The following CCDC3 variants were observed in gnomAD, a reference collection of about 807,000 sequenced individuals.
CCDC3 encodes the protein coiled-coil domain containing 3.
CCDC3 carries 24 observed loss-of-function variants against 21.4 expected under a neutral mutation model. That is an observed-to-expected ratio of 1.12 (90% CI 0.81 to 1.58). CCDC3 has a LOEUF of 1.58. CCDC3 is among the 40% of genes most tolerant of loss of function. The pLI is 0.00. For missense variants in CCDC3, 425 were observed against 360.9 expected, an observed-to-expected ratio of 1.18 and a Z score of -1.44; for synonymous variants, 186 against 166.0, an observed-to-expected ratio of 1.12 and a Z score of -0.93.
intron 2 of CCDC3, among the ~76,000 whole-genome samples, chr10:12,904,468 TAAA>T (rs55772750): frequency 3.2e-4 from 13 of 40,916 alleles, no homozygotes; most frequent in Admixed American, 4.7e-4. Context: ...AAGCCAGTCT[TAAA>T]AAAAAAAAAA....
In CCDC3 at chr10:13,068,635, A is replaced by T. The variant is rs549991963; in HGVS notation, c.-270+5233T>A. Among the ~76,000 whole-genome samples, 3 of 152,346 alleles carry T rather than the reference A, an allele frequency of 2.0e-5. No individual in the cohort carries two copies. The South Asian group carries it at 6.2e-4, about 32-fold the overall frequency. ...GAACAGTTTGACTTGCCTGCTTCAC[A>T]ACTGGTGAGGCCTACAGACATATGG... On this transcript the variant is annotated intron_variant, in intron 4 of 6. Transcript: ENST00000378839.
intron 5 of CCDC3, among the ~76,000 whole-genome samples, chr10:13,028,019 C>T (rs1046556109): frequency 6.6e-6 from 1 of 152,172 alleles, no homozygotes; most frequent in Non-Finnish European, 1.5e-5. Context: ...CCAGGACCCT[C>T]TGTTTACAAC....
chr10:12,958,823 A>G (rs1024882158), intron 2 of CCDC3, among the ~76,000 whole-genome samples: 1 of 152,124 alleles, frequency 6.6e-6, no homozygotes, highest in African/African-American at 2.4e-5. Context: ...CCCTGGGAAC[A>G]GCACGCTTCT....
intron 2 of CCDC3, among the ~76,000 whole-genome samples, chr10:12,989,087 A>T (rs935937249): frequency 5.3e-5 from 8 of 152,174 alleles, no homozygotes; most frequent in Admixed American, 3.9e-4. Context: ...TCAGCCCTGG[A>T]ATCTTTACAA....
intron 2 of CCDC3, among the ~76,000 whole-genome samples, chr10:12,996,240 T>A (rs1270343755): frequency 6.6e-6 from 1 of 152,188 alleles, no homozygotes; most frequent in Non-Finnish European, 1.5e-5. Context: ...GGGAGCAAAC[T>A]ACATGAGAAG....
chr10:13,071,497 C>T (rs924186582), intron 4 of CCDC3, among the ~76,000 whole-genome samples: 1 of 152,204 alleles, frequency 6.6e-6, no homozygotes, highest in Admixed American at 6.5e-5. Context: ...GTATCCACGG[C>T]ATAAATGAGG....
intron 5 of CCDC3, among the ~76,000 whole-genome samples, chr10:13,025,352 C>T (rs1466778039): frequency 2.0e-5 from 3 of 152,180 alleles, no homozygotes; most frequent in Non-Finnish European, 4.4e-5. Flanking sequence ...ATCAAGCCTT[C>T]CCTTGCATCA....
At chr10:12,932,396 G>A (rs757883586) in intron 2 of CCDC3, among the ~76,000 whole-genome samples, 3 of 151,270 alleles carry the variant, frequency 2.0e-5, no homozygotes, top group Non-Finnish European at 4.4e-5. Flanking sequence ...TTATTAAAAA[G>A]TATAGACTAT....
At chr10:13,068,323 T>C (rs1836845924) in intron 4 of CCDC3, among the ~76,000 whole-genome samples, 1 of 152,010 alleles carries the variant, frequency 6.6e-6, no homozygotes, top group African/African-American at 2.4e-5. Context: ...CTTCTGCTTG[T>C]GTAGTTAAAT....
rs115856879 is a variant in CCDC3, at chr10:13,058,216, G to A, written c.-269-8275C>T. The A allele has an allele frequency of 1.6e-3, 2,047 of 1,279,896 alleles. 28 individuals carry two copies. In the African/African-American group the frequency reaches 0.017, roughly 10 times the overall value. The allele number at this position is 1,279,896 out of a possible 1,614,324, so 79.3% of individuals were successfully genotyped here. On this transcript the variant is annotated intron_variant, in intron 4 of 6. Transcript: ENST00000378839. ...GGGTGCCAAAAACTTGATTGCCAGCGGTAGTTCTGGCAAGGCCTGCATCCA... is the reference window on the plus strand; with the variant it reads ...GGGTGCCAAAAACTTGATTGCCAGCAGTAGTTCTGGCAAGGCCTGCATCCA...
At chr10:12,996,192 G>A (rs953162592) in intron 2 of CCDC3, among the ~76,000 whole-genome samples, 1 of 152,030 alleles carries the variant, frequency 6.6e-6, no homozygotes, top group Non-Finnish European at 1.5e-5. Flanking sequence ...TTAAGAAGGA[G>A]AAAAGGAAGA....
chr10:12,930,227 T>G (rs1476522925), intron 2 of CCDC3, among the ~76,000 whole-genome samples: 1 of 152,108 alleles, frequency 6.6e-6, no homozygotes, highest in Non-Finnish European at 1.5e-5. Context: ...GTTGTACAGT[T>G]TCTCTAGGAA....
chr10:13,058,357 G>C, intron 4 of CCDC3: 1 of 1,130,704 alleles, frequency 8.8e-7, no homozygotes, highest in Non-Finnish European at 1.3e-6. Flanking sequence ...TGAGAATCCT[G>C]TGGGTCAGCA....
intron 2 of CCDC3, among the ~76,000 whole-genome samples, chr10:12,931,204 CTG>C (rs1267895341): frequency 3.4e-4 from 26 of 76,114 alleles, no homozygotes; most frequent in Middle Eastern, 0.011. Context: ...GAGCAAGACT[CTG>C]TCAAAAAAAA....
chr10:13,059,085 T>C (rs1836719493), intron 4 of CCDC3, among the ~76,000 whole-genome samples: 1 of 152,188 alleles, frequency 6.6e-6, no homozygotes, highest in Non-Finnish European at 1.5e-5. Context: ...CACCAAAGTT[T>C]GGTGTTGTGC....
At chr10:12,958,042 G>A (rs886328686) in intron 2 of CCDC3, among the ~76,000 whole-genome samples, 2 of 151,858 alleles carry the variant, frequency 1.3e-5, no homozygotes, top group Non-Finnish European at 2.9e-5. Flanking sequence ...GGCCAGGCTC[G>A]GTTCCAACTC....
At chr10:13,042,906 C>CA (rs55911312) in intron 5 of CCDC3, among the ~76,000 whole-genome samples, 187 of 100,316 alleles carry the variant, frequency 1.9e-3, no homozygotes, top group East Asian at 0.01. Context: ...GAGACTGTCT[C>CA]AAAAAAAAAA....
At chr10:12,906,287 A>G (rs139771878) in intron 2 of CCDC3, among the ~76,000 whole-genome samples, 33 of 152,266 alleles carry the variant, frequency 2.2e-4, no homozygotes, top group African/African-American at 7.5e-4. Context: ...TGCTCCACCC[A>G]AAGTCAAAAG....
At chr10:13,097,355 G>A (rs972725829) in intron 3 of CCDC3, among the ~76,000 whole-genome samples, 3 of 152,190 alleles carry the variant, frequency 2.0e-5, no homozygotes, top group African/African-American at 7.2e-5. Flanking sequence ...GTTCTTCTAG[G>A]TGTTGAAGAC....
Sources: allele counts gnomAD v4.1 joint callset (sites outside exome capture counted in the v4.1 genomes callset), GRCh38; gene constraint gnomAD v4.1.1; transcripts MANE v1.5; gene names NCBI Gene and HGNC (gene_info 2026-07-23, HGNC 2026-07-21).